EPS15L1: variants seen among roughly 807,000 people sequenced by gnomAD.
EPS15L1 encodes the protein epidermal growth factor receptor pathway substrate 15 like 1, also known as epidermal growth factor receptor substrate 15-like 1.
EPS15L1 carries 43 observed loss-of-function variants against 117.1 expected under a neutral mutation model. The ratio of observed to expected loss-of-function variants is 0.37; its 90% CI spans 0.29 to 0.47. The LOEUF (loss-of-function observed/expected upper bound fraction) is 0.47, where lower values mean the gene tolerates loss of function less well. EPS15L1 is among the 20% of genes least tolerant of loss of function. EPS15L1 has a pLI of 0.99. For synonymous variants in EPS15L1, 459 were observed against 470.5 expected (o/e 0.98, Z 0.32); for missense variants, 981 against 1,164.0 (o/e 0.84, Z 2.29).
At chr19:16,356,012 C>T (rs924012978) in intron 23 of EPS15L1, among the ~76,000 whole-genome samples, 161 bp from the exon 24 acceptor site, 10 of 152,252 alleles carry the variant, frequency 6.6e-5, no homozygotes, top group Non-Finnish European at 1.3e-4. Context: ...GCCCAGTGGG[C>T]GTGCGAGCCT....
intron 1 of EPS15L1, among the ~76,000 whole-genome samples, chr19:16,461,579 G>A (rs531712333): frequency 6.6e-6 from 1 of 152,066 alleles, no homozygotes; most frequent in Admixed American, 6.6e-5. Flanking sequence ...CTGAGATCGC[G>A]CCACTGCACT....
At chr19:16,377,648 C>A (rs1194936397) in intron 21 of EPS15L1, among the ~76,000 whole-genome samples, 4 of 152,238 alleles carry the variant, frequency 2.6e-5, no homozygotes, top group African/African-American at 9.6e-5. Flanking sequence ...TGTATGCTGG[C>A]TGTGGTGCTT....
intron 10 of EPS15L1, 131 bp downstream of exon 10, chr19:16,421,188 T>C: frequency 1.9e-6 from 2 of 1,040,756 alleles, no homozygotes; most frequent in Admixed American, 2.8e-5. Flanking sequence ...CCAGGGAGAA[T>C]AAAGGACGCC....
At position 16,404,792 on chromosome 19, in the gene EPS15L1, G is replaced by C. The variant is rs768899381; in HGVS notation, c.1267-43C>G. 8 of 1,607,020 alleles carry C rather than the reference G, an allele frequency of 5.0e-6. No individual in the cohort carries two copies. The African/African-American group carries it at 9.4e-5, about 19-fold the overall frequency. ...GGGTTTACGTGAGGATGGGAAAAAT[G>C]AAGCATGTCCAAGATAACGGGGGGC... On this transcript the variant is annotated intron_variant, in intron 13 of 23. Transcript: ENST00000455140. The surrounding 1 kb of genome is among the most constrained non-coding windows in gnomAD (Gnocchi z 4.2).
intron 8 of EPS15L1, among the ~76,000 whole-genome samples, chr19:16,426,552 T>G (rs1316553823): frequency 2.6e-5 from 4 of 152,004 alleles, no homozygotes; most frequent in African/African-American, 9.7e-5. Context: ...GGCAGGAGAA[T>G]CGCTTGAATC....
At chr19:16,416,860 G>A (rs2092763112) in intron 12 of EPS15L1, among the ~76,000 whole-genome samples, 1 of 151,978 alleles carries the variant, frequency 6.6e-6, no homozygotes, top group Non-Finnish European at 1.5e-5. Context: ...AATACAGGAA[G>A]TGACTGCATT....
intron 7 of EPS15L1, among the ~76,000 whole-genome samples, chr19:16,434,014 C>A (rs1284143859): frequency 6.6e-6 from 1 of 152,090 alleles, no homozygotes; most frequent in African/African-American, 2.4e-5. Context: ...GACACACATT[C>A]CCACATTCAG....
intron 10 of EPS15L1, among the ~76,000 whole-genome samples, chr19:16,419,327 C>T (rs141757622): frequency 0.017 from 2,548 of 152,254 alleles, 26 homozygotes; most frequent in East Asian, 0.036. Context: ...GGCATGGTGG[C>T]GCGCGCCTGT....
chr19:16,458,705 C>T (rs1197085070), intron 1 of EPS15L1, among the ~76,000 whole-genome samples: 2 of 152,154 alleles, frequency 1.3e-5, no homozygotes, highest in Non-Finnish European at 2.9e-5. Flanking sequence ...CACTCAGCCA[C>T]ACACACATAC....
intron 23 of EPS15L1, among the ~76,000 whole-genome samples, chr19:16,359,762 T>C (rs1666119168): frequency 6.6e-6 from 1 of 151,952 alleles, no homozygotes; most frequent in South Asian, 2.1e-4. Flanking sequence ...CGTGGGAGGC[T>C]GAGGTGGGAC....
Position 16,402,325 on chromosome 19 carries a change from G to A in EPS15L1, c.1787C>T (p.Ala596Val). Residue 596 changes from alanine (A) to valine (V), a missense_variant, in exon 16 of 24, where the codon GCC becomes GTC. Physicochemically the swap from Ala to Val is moderately conservative, Grantham distance 64. Coordinates refer to ENST00000455140, the MANE Select transcript of EPS15L1 (RefSeq NM_001258374.3). ...ATACGTTTATTCAACCTTTACCATG[G>A]CTCCAAAACTGCCCCTCTCTGCCAG... is the stretch of plus-strand genomic sequence containing the variant. The part of the protein sequence containing the change: ...VSLAERGSFG[A>V]MDDPFKNKAL... 6.2e-7 allele frequency: 1 copy of A among 1,607,074 alleles called. No homozygotes were observed. Among genetic ancestry groups the A allele is most frequent in the Non-Finnish European group, 8.5e-7 (1 of 1,177,364 alleles).
chr19:16,380,695 C>T (rs1032645601), intron 21 of EPS15L1, among the ~76,000 whole-genome samples: 3 of 152,242 alleles, frequency 2.0e-5, no homozygotes, highest in Admixed American at 1.3e-4. Flanking sequence ...CCGATGCGGT[C>T]GTCTGAGGCT....
At chr19:16,453,086 C>G (rs1467782518) in intron 1 of EPS15L1, among the ~76,000 whole-genome samples, 1 of 151,682 alleles carries the variant, frequency 6.6e-6, no homozygotes, top group Non-Finnish European at 1.5e-5. Flanking sequence ...AGGTGTGAGC[C>G]ACCGCGCCCG....
rs539726135 is a variant in EPS15L1, at chr19:16,364,323, C to T, written c.2381-2339G>A. Reference sequence around the variant, plus strand: ...CCCTAGAGGGGCAGTGCCCAGCCCACGCGGGCAGGACAGGAATGTGGCCCC... The same window carrying T: ...CCCTAGAGGGGCAGTGCCCAGCCCATGCGGGCAGGACAGGAATGTGGCCCC... On this transcript the variant is annotated intron_variant, in intron 22 of 23. Transcript: ENST00000455140. Among the ~76,000 whole-genome samples, 6 of 152,324 alleles carry T rather than the reference C, an allele frequency of 3.9e-5. No individual in the cohort carries two copies. The South Asian group carries it at 6.2e-4, about 16-fold the overall frequency.
chr19:16,471,794 CTT>C lies in EPS15L1; in HGVS notation c.33+117_33+118del. The C allele has an allele frequency of 2.3e-6, 1 of 428,084 alleles. No homozygotes were observed. Among genetic ancestry groups the C allele is most frequent in the Non-Finnish European group, 3.6e-6 (1 of 278,118 alleles). 26.5% of individuals were successfully genotyped at this position (428,084 alleles called of 1,614,324 possible). A position where few individuals can be genotyped will look rare whatever the true frequency, so the allele number is the denominator to read the frequency against. ...CCTGCCCACCCGCCCGCCGCAAGCC[CTT>C]CAGCACGCGCCGCCCCCGCCGCCGC... On this transcript the variant is annotated intron_variant, in intron 1 of 23. Transcript: ENST00000455140. This position sits in a 1 kb window ranked among gnomAD's most constrained non-coding sequence, Gnocchi z 4.8.
chr19:16,361,111 C>T (rs2092043999), intron 23 of EPS15L1, among the ~76,000 whole-genome samples: 1 of 152,182 alleles, frequency 6.6e-6, no homozygotes, highest in Admixed American at 6.5e-5. Context: ...CAAAGCCAGG[C>T]TTTCGAAATC....
intron 10 of EPS15L1, among the ~76,000 whole-genome samples, chr19:16,418,677 T>C (rs992281027): frequency 1.1e-4 from 16 of 152,128 alleles, no homozygotes; most frequent in Non-Finnish European, 2.2e-4. Flanking sequence ...TATCCCTCAA[T>C]GGGATGGTGT....
At chr19:16,400,698 T>C in intron 16 of EPS15L1, 1 of 985,420 alleles carries the variant, frequency 1.0e-6, no homozygotes, top group South Asian at 4.7e-5. Flanking sequence ...CAGTTGCAAG[T>C]TTCCATGTAA....
rs118102021 is a variant in EPS15L1, at chr19:16,408,263, C to T, written c.1267-3514G>A. ...AGACAAAAATAACCCCAACAGTCCA[C>T]GGAGTCCACACAATCCCTGTCAGAA... On this transcript the variant is annotated intron_variant, in intron 13 of 23. Coordinates refer to ENST00000455140, the MANE Select transcript of EPS15L1 (RefSeq NM_001258374.3). Among the ~76,000 whole-genome samples, 571 of 152,232 alleles carry T rather than the reference C, an allele frequency of 3.8e-3. 4 individuals are homozygous for T. The highest frequency in any genetic ancestry group is 5.4e-3 in the Non-Finnish European group (367 of 68,018).
Sources: allele counts gnomAD v4.1 joint callset (sites outside exome capture counted in the v4.1 genomes callset), GRCh38; gene constraint gnomAD v4.1.1; non-coding constraint Gnocchi (gnomAD v3.1); transcripts MANE v1.5; gene names NCBI Gene and HGNC (gene_info 2026-07-23, HGNC 2026-07-21).